Variants in DNAAF9 observed in about 807,000 individuals in gnomAD.
DNAAF9 encodes shulin.
Under a neutral mutation model 167.0 loss-of-function variants are expected in DNAAF9, and 90 were observed. The ratio of observed to expected loss-of-function variants is 0.54; its 90% CI spans 0.45 to 0.64. DNAAF9 has a LOEUF of 0.64. Among genes scored for constraint, DNAAF9 ranks in the 30% least tolerant of loss-of-function variants. The pLI is 0.00. For synonymous variants in DNAAF9, 491 were observed against 508.8 expected (o/e 0.96, Z 0.47); for missense variants, 1,315 against 1,442.2 (o/e 0.91, Z 1.43).
In DNAAF9 at chr20:3,407,509, G is replaced by A. The variant is rs2084080547; in HGVS notation, c.49C>T (p.Pro17Ser). ...GGTGACCCGCGGCTGGAGCCGCCAG[G>A]GGACCGAGCGCGGGGCAGCCCCTGC... ...RRQGLPRARS[P>S]GGSSRGSPSV... is the part of the protein sequence containing the mutation. The change falls in exon 1 of 37, where the codon CCT becomes TCT. Residue 17 changes from proline to serine, a missense_variant. By Grantham distance (74) the Pro-to-Ser change is moderately conservative (BLOSUM62 -1). Coordinates refer to ENST00000252032, the MANE Select transcript of DNAAF9 (RefSeq NM_001009984.3). The A allele has an allele frequency of 3.1e-6, 4 of 1,278,020 alleles. No homozygotes were observed. The South Asian group carries it at 1.1e-4, about 35-fold the overall frequency. 79.2% of individuals were successfully genotyped at this position (1,278,020 alleles called of 1,614,324 possible). A position where few individuals can be genotyped will look rare whatever the true frequency, so the allele number is the denominator to read the frequency against.
chr20:3,382,424 G>A lies in DNAAF9; in HGVS notation c.163+3C>T, dbSNP rs1470218820. 1 of 1,612,588 alleles carries A rather than the reference G, an allele frequency of 6.2e-7. No homozygotes were observed. Among genetic ancestry groups the A allele is most frequent in the East Asian group, 2.2e-5 (1 of 44,840 alleles). On this transcript the variant is annotated splice_donor_region_variant and intron_variant, in intron 2 of 36. Transcript: ENST00000252032. ...TGAGTCCCACCTTGTTAAAAGCACT[G>A]ACCTAGGATGCAGAGGATCCCATCC... is the stretch of plus-strand genomic sequence containing the variant.
chr20:3,309,762 T>C (rs1460871759), intron 20 of DNAAF9, among the ~76,000 whole-genome samples: 1 of 152,188 alleles, frequency 6.6e-6, no homozygotes, highest in Non-Finnish European at 1.5e-5. Context: ...TAGGAAATGA[T>C]TAATTATCCT....
chr20:3,331,169 C>G (rs1481863148), intron 11 of DNAAF9, among the ~76,000 whole-genome samples: 1 of 152,194 alleles, frequency 6.6e-6, no homozygotes, highest in African/African-American at 2.4e-5. Context: ...CCTCCTGAAC[C>G]TTCACCCGCA....
At chr20:3,388,998 C>T (rs996982692) in intron 1 of DNAAF9, among the ~76,000 whole-genome samples, 2 of 152,088 alleles carry the variant, frequency 1.3e-5, no homozygotes, top group African/African-American at 2.4e-5. Context: ...GACAGAGTTT[C>T]GTTCTTGTTG....
At chr20:3,319,026 T>A (rs1444250392) in intron 16 of DNAAF9, among the ~76,000 whole-genome samples, 1 of 135,142 alleles carries the variant, frequency 7.4e-6, no homozygotes, top group Non-Finnish European at 1.5e-5. Flanking sequence ...GAGGCTGCAG[T>A]GAGCTGAGAT....
intron 1 of DNAAF9, among the ~76,000 whole-genome samples, chr20:3,390,365 C>T (rs1016975328): frequency 1.3e-5 from 2 of 150,678 alleles, no homozygotes; most frequent in African/African-American, 4.9e-5. Context: ...TTGTACTATT[C>T]TCTCACTTTT....
chr20:3,354,898 C>G (rs1012607633), intron 7 of DNAAF9, among the ~76,000 whole-genome samples: 1 of 152,214 alleles, frequency 6.6e-6, no homozygotes, highest in Non-Finnish European at 1.5e-5. Flanking sequence ...GCATGTTCTA[C>G]AGCCCATGGT....
chr20:3,405,122 G>A (rs1157796149), intron 1 of DNAAF9, among the ~76,000 whole-genome samples: 1 of 152,194 alleles, frequency 6.6e-6, no homozygotes, highest in African/African-American at 2.4e-5. Context: ...TAACTTCAAA[G>A]AAGCAAGCAA....
chr20:3,311,321 G>C (rs1025418260), intron 20 of DNAAF9, among the ~76,000 whole-genome samples: 1 of 151,096 alleles, frequency 6.6e-6, no homozygotes, highest in Admixed American at 6.6e-5. Flanking sequence ...TTTTTTTTTG[G>C]GTAGAGATGG....
At chr20:3,314,977 A>G (rs2123028798) in intron 20 of DNAAF9, 56 bp downstream of exon 20, 1 of 888,758 alleles carries the variant, frequency 1.1e-6, no homozygotes, top group East Asian at 2.4e-5. Context: ...CCATGCTGAC[A>G]TCTGCAAATG....
intron 3 of DNAAF9, 43 bp downstream of exon 3, chr20:3,381,336 C>A: frequency 6.7e-7 from 1 of 1,486,168 alleles, no homozygotes. Flanking sequence ...ATAAATAAAC[C>A]TCTTACTCTT....
At chr20:3,319,492 A>ACATCTG (rs2069576980) in intron 16 of DNAAF9, among the ~76,000 whole-genome samples, 2 of 152,168 alleles carry the variant, frequency 1.3e-5, no homozygotes, top group Non-Finnish European at 2.9e-5. Context: ...CTAGAGCTAG[A>ACATCTG]GTCTGTGATG....
chr20:3,255,184 G>A, intron 35 of DNAAF9, 35 bp downstream of exon 35: 1 of 1,398,024 alleles, frequency 7.2e-7, no homozygotes, highest in Non-Finnish European at 9.9e-7. Context: ...ACAGCCCTGG[G>A]CCACCGAGGG....
At chr20:3,350,132 G>GACACACACACACAC (rs1306670611) in intron 7 of DNAAF9, among the ~76,000 whole-genome samples, 6 of 137,560 alleles carry the variant, frequency 4.4e-5, no homozygotes, top group Non-Finnish European at 4.7e-5. Flanking sequence ...CAGACACACA[G>GACACACACACACAC]ACACACAGAC....
intron 30 of DNAAF9, among the ~76,000 whole-genome samples, chr20:3,267,398 G>T (rs1184749886): frequency 6.6e-6 from 1 of 152,142 alleles, no homozygotes; most frequent in African/African-American, 2.4e-5. Context: ...CATGCAGTCA[G>T]CTAATTCTCC....
At chr20:3,338,400 T>G (rs1419367091) in intron 10 of DNAAF9, among the ~76,000 whole-genome samples, 1 of 152,076 alleles carries the variant, frequency 6.6e-6, no homozygotes, top group African/African-American at 2.4e-5. Context: ...TTTTAAGAGA[T>G]TTTCTCTTTG....
chr20:3,332,048 C>T (rs2123081187), intron 11 of DNAAF9, among the ~76,000 whole-genome samples: 1 of 152,300 alleles, frequency 6.6e-6, no homozygotes, highest in East Asian at 1.9e-4. Flanking sequence ...GGGTTATACA[C>T]ATGGTTAGAC....
At chr20:3,362,146 TA>T in intron 6 of DNAAF9, 1 of 1,406,140 alleles carries the variant, frequency 7.1e-7, no homozygotes, top group Non-Finnish European at 9.9e-7. Context: ...TCGGTTTTCA[TA>T]AATTGTTCCT....
At chr20:3,388,843 G>T (rs1164590985) in intron 1 of DNAAF9, among the ~76,000 whole-genome samples, 3 of 152,218 alleles carry the variant, frequency 2.0e-5, no homozygotes, top group African/African-American at 7.2e-5. Flanking sequence ...AGTTTTGCAA[G>T]ATGAAAGGTT....
Sources: allele counts gnomAD v4.1 joint callset (sites outside exome capture counted in the v4.1 genomes callset), GRCh38; gene constraint gnomAD v4.1.1; transcripts MANE v1.5; gene names NCBI Gene and HGNC (gene_info 2026-07-23, HGNC 2026-07-21).